Variants in SDC2 observed in about 807,000 individuals in gnomAD.
SDC2 encodes the protein syndecan 2, also known as syndecan-2.
SDC2 carries 13 observed loss-of-function variants against 22.2 expected under a neutral mutation model. That is an observed-to-expected ratio of 0.59 (90% CI 0.38 to 0.93). The LOEUF (loss-of-function observed/expected upper bound fraction) is 0.93, where lower values mean the gene tolerates loss of function less well. Ranked by LOEUF, SDC2 falls within the 40% of genes least tolerant of loss-of-function variation. The pLI, the probability that SDC2 is intolerant of heterozygous loss-of-function variation, is 0.00. For missense variants in SDC2, 235 were observed against 246.8 expected (o/e 0.95, Z 0.32); for synonymous variants, 94 against 92.8 (o/e 1.01, Z -0.07).
intron 1 of SDC2, among the ~76,000 whole-genome samples, chr8:96,587,123 C>T (rs1334885915): frequency 6.6e-6 from 1 of 152,122 alleles, no homozygotes; most frequent in Non-Finnish European, 1.5e-5. Context: ...GGGGTTTCAC[C>T]GTCTTGGCCA....
chr8:96,509,445 C>T (rs1479212696), intron 1 of SDC2, among the ~76,000 whole-genome samples: 2 of 141,904 alleles, frequency 1.4e-5, no homozygotes, highest in African/African-American at 5.0e-5. Context: ...GATTTTTTTC[C>T]TCTTCTTTTT....
intron 1 of SDC2, among the ~76,000 whole-genome samples, chr8:96,505,561 A>G (rs1174982079): frequency 1.3e-5 from 2 of 152,164 alleles, no homozygotes; most frequent in African/African-American, 2.4e-5. Context: ...TGGCCTCCCA[A>G]AGTGCTGGGA....
At chr8:96,581,195 A>G (rs565293209) in intron 1 of SDC2, among the ~76,000 whole-genome samples, 1 of 152,360 alleles carries the variant, frequency 6.6e-6, no homozygotes, top group African/African-American at 2.4e-5. Flanking sequence ...GGCAAAAAAT[A>G]ATAATATGTG....
chr8:96,609,493 G>T lies in SDC2; in HGVS notation c.551G>T (p.Arg184Leu), dbSNP rs183417451. 5 of 1,612,594 alleles carry T rather than the reference G, an allele frequency of 3.1e-6. No homozygotes were observed. The Admixed American group carries it at 8.4e-5, about 27-fold the overall frequency. ...GAAGGAAGCTATGACCTTGGAGAAC[G>T]CAAACCATCCAGTGCTGCTTATCAG... is the stretch of plus-strand genomic sequence containing the variant. ...KDEGSYDLGE[R>L]KPSSAAYQKA... The change falls in exon 5 of 5, where the codon CGC becomes CTC. Residue 184 changes from arginine to leucine, a missense_variant. Arg to Leu is a moderately radical substitution (Grantham distance 102). Transcript: ENST00000302190.
intron 1 of SDC2, among the ~76,000 whole-genome samples, chr8:96,547,357 A>G (rs911697902): frequency 1.3e-5 from 2 of 152,236 alleles, no homozygotes; most frequent in African/African-American, 4.8e-5. Flanking sequence ...AGTGTGAGCC[A>G]CAGTCAGTAA....
intron 1 of SDC2, among the ~76,000 whole-genome samples, chr8:96,584,577 T>C (rs768394114): frequency 2.6e-5 from 4 of 152,208 alleles, no homozygotes; most frequent in Non-Finnish European, 5.9e-5. Flanking sequence ...AGAATCTCAT[T>C]ACTTCAGTTA....
Position 96,576,416 on chromosome 8 carries a change from CTTTTTTTTTT to C in SDC2, c.61-17052_61-17043del, listed in dbSNP as rs71267268. 4.3e-4 allele frequency among the ~76,000 whole-genome samples: 6 copies of C among 13,808 alleles called. 1 individual carries two copies. Among genetic ancestry groups the C allele is most frequent in the Non-Finnish European group, 1.9e-4 (1 of 5,172 alleles). The allele number at this position is 13,808 out of a possible 152,430, so 9.1% of individuals were successfully genotyped here. ...TTTACCAGATTTGCTTTATTATTCT[CTTTTTTTTTT>C]TTTTTTTTTTTGAGACGGAGTCTCG... On this transcript the variant is annotated intron_variant, in intron 1 of 4. Transcript: ENST00000302190.
At chr8:96,512,121 T>C (rs1364696091) in intron 1 of SDC2, among the ~76,000 whole-genome samples, 3 of 152,036 alleles carry the variant, frequency 2.0e-5, no homozygotes, top group Non-Finnish European at 4.4e-5. Flanking sequence ...CCTGGAGGGG[T>C]AACATGTCAC....
chr8:96,577,660 A>C (rs1814526597), intron 1 of SDC2, among the ~76,000 whole-genome samples: 1 of 152,222 alleles, frequency 6.6e-6, no homozygotes, highest in Non-Finnish European at 1.5e-5. Flanking sequence ...CAAATGCATA[A>C]TGTCGTGTAT....
chr8:96,558,091 A>G (rs1013126704), intron 1 of SDC2, among the ~76,000 whole-genome samples: 2 of 152,068 alleles, frequency 1.3e-5, no homozygotes, highest in African/African-American at 4.8e-5. Context: ...AGAAGGATTC[A>G]TTCTGTTCTT....
At chr8:96,530,451 T>C (rs1340164396) in intron 1 of SDC2, among the ~76,000 whole-genome samples, 1 of 152,096 alleles carries the variant, frequency 6.6e-6, no homozygotes, top group Non-Finnish European at 1.5e-5. Flanking sequence ...CTGGCCAACA[T>C]GGTGAAACCC....
At chr8:96,606,456 G>A (rs937844191) in intron 3 of SDC2, among the ~76,000 whole-genome samples, 1 of 152,152 alleles carries the variant, frequency 6.6e-6, no homozygotes, top group African/African-American at 2.4e-5. Context: ...CTTTGAATGG[G>A]ACTTCTCTAA....
chr8:96,513,259 A>T (rs2130444654), intron 1 of SDC2, among the ~76,000 whole-genome samples: 1 of 152,368 alleles, frequency 6.6e-6, no homozygotes, highest in African/African-American at 2.4e-5. Flanking sequence ...CTATAAATGA[A>T]TTAAAATTTC....
chr8:96,538,130 T>C (rs1162582569), intron 1 of SDC2, among the ~76,000 whole-genome samples: 2 of 152,236 alleles, frequency 1.3e-5, no homozygotes, highest in Middle Eastern at 6.8e-3. Flanking sequence ...GCCCGGCTAA[T>C]TTTTTATTTT....
chr8:96,532,624 G>A (rs1206393522), intron 1 of SDC2, among the ~76,000 whole-genome samples: 1 of 152,052 alleles, frequency 6.6e-6, no homozygotes, highest in African/African-American at 2.4e-5. Context: ...TACCCAGACA[G>A]CATGACACTT....
chr8:96,551,385 T>G (rs887363149), intron 1 of SDC2, among the ~76,000 whole-genome samples: 1 of 152,228 alleles, frequency 6.6e-6, no homozygotes, highest in Admixed American at 6.5e-5. Flanking sequence ...TAACTAACAC[T>G]GATATACTGC....
At chr8:96,569,834 A>G (rs1814361270) in intron 1 of SDC2, among the ~76,000 whole-genome samples, 1 of 152,268 alleles carries the variant, frequency 6.6e-6, no homozygotes, top group Admixed American at 6.5e-5. Context: ...CTGCTGGGAA[A>G]TTTAGAGTGG....
chr8:96,541,156 C>T lies in SDC2; in HGVS notation c.60+46825C>T, dbSNP rs920834123. 2.6e-5 allele frequency among the ~76,000 whole-genome samples: 4 copies of T among 152,082 alleles called. No individual in the cohort carries two copies. In the East Asian group the frequency reaches 7.7e-4, roughly 29 times the overall value. On this transcript the variant is annotated intron_variant, in intron 1 of 4. Coordinates refer to ENST00000302190, the MANE Select transcript of SDC2 (RefSeq NM_002998.4). ...TTAAAGAAGGAAATTGTAGACTGGGCACGGTGGCTCACACCTATAATCCCA... is the reference window on the plus strand; with the variant it reads ...TTAAAGAAGGAAATTGTAGACTGGGTACGGTGGCTCACACCTATAATCCCA...
At chr8:96,557,795 T>C (rs1814143707) in intron 1 of SDC2, among the ~76,000 whole-genome samples, 1 of 152,060 alleles carries the variant, frequency 6.6e-6, no homozygotes, top group Non-Finnish European at 1.5e-5. Context: ...AAAAGAATGG[T>C]ACCACTTCTT....
Sources: gnomAD v4.1 joint callset for allele counts (sites outside exome capture counted in the v4.1 genomes callset) on GRCh38, gnomAD v4.1.1 for gene constraint, MANE v1.5 for transcripts, NCBI Gene and HGNC (gene_info 2026-07-23, HGNC 2026-07-21) for gene names.